Variants in PIK3AP1 observed in about 807,000 individuals in gnomAD.
The protein encoded by PIK3AP1 is phosphoinositide-3-kinase adaptor protein 1.
PIK3AP1 carries 21 observed loss-of-function variants against 88.1 expected under a neutral mutation model. The ratio of observed to expected loss-of-function variants is 0.24; its 90% CI spans 0.17 to 0.34. The LOEUF is 0.34. PIK3AP1 is among the 10% of genes least tolerant of loss of function. PIK3AP1 has a pLI of 1.00. For synonymous variants in PIK3AP1, 398 were observed against 400.0 expected (o/e 1.00, Z 0.06); for missense variants, 828 against 1,035.7 (o/e 0.80, Z 2.75).
chr10:96,616,688 G>A lies in PIK3AP1; in HGVS notation c.1965C>T (p.Asp655=), dbSNP rs773311496. The A allele has an allele frequency of 1.4e-5, 23 of 1,614,144 alleles. No individual in the cohort carries two copies. The Middle Eastern group carries it at 4.9e-4, about 35-fold the overall frequency. Residue 655 remains aspartate, a synonymous_variant, in exon 13 of 17, where the codon GAC becomes GAT. Transcript: ENST00000339364. The stretch of plus-strand genomic sequence containing the variant: ...TCTCTCTCTGTCTTCGGGTGATGCT[G>A]TCTCTTAGCCGTTTAAGATTTTCCT... ...FQQENLKRLR[D]SITRRQREKQ...
intron 7 of PIK3AP1, among the ~76,000 whole-genome samples, chr10:96,646,314 A>T (rs1331800842): frequency 6.6e-6 from 1 of 152,106 alleles, no homozygotes; most frequent in African/African-American, 2.4e-5. Context: ...GTACAATGCT[A>T]GGTATTTGCC....
At position 96,651,003 on chromosome 10, in the gene PIK3AP1, T is replaced by A. The variant is rs114804007; in HGVS notation, c.988+245A>T. Among the ~76,000 whole-genome samples the A allele has an allele frequency of 3.2e-3, 493 of 152,330 alleles. 2 individuals are homozygous for A. Among genetic ancestry groups the A allele is most frequent in the African/African-American group, 0.011 (439 of 41,574 alleles). On this transcript the variant is annotated intron_variant, in intron 6 of 16. Coordinates refer to ENST00000339364, the MANE Select transcript of PIK3AP1 (RefSeq NM_152309.3). ...TGGCTTACGCCAAACCAATTTAAAATCACTCATTTCCTGCTCCTCCGTAAG... is the reference window on the plus strand; with the variant it reads ...TGGCTTACGCCAAACCAATTTAAAAACACTCATTTCCTGCTCCTCCGTAAG...
chr10:96,626,675 A>G (rs1843157336), intron 10 of PIK3AP1, 33 bp downstream of exon 10: 1 of 1,603,802 alleles, frequency 6.2e-7, no homozygotes. Context: ...AGCTCCAAAG[A>G]CCCAGTTGGA....
At chr10:96,670,720 C>T (rs1183186096) in intron 2 of PIK3AP1, among the ~76,000 whole-genome samples, 3 of 152,162 alleles carry the variant, frequency 2.0e-5, no homozygotes, top group Non-Finnish European at 4.4e-5. Context: ...CTGTAAAATA[C>T]AGATTGAAAA....
At chr10:96,716,786 T>G (rs1844508348) in intron 1 of PIK3AP1, among the ~76,000 whole-genome samples, 1 of 151,846 alleles carries the variant, frequency 6.6e-6, no homozygotes, top group African/African-American at 2.4e-5. Context: ...TAACAAGGAG[T>G]CTACAAGCCC....
At chr10:96,636,050 AAAC>A (rs1178262633) in intron 8 of PIK3AP1, among the ~76,000 whole-genome samples, 3 of 152,120 alleles carry the variant, frequency 2.0e-5, no homozygotes, top group Non-Finnish European at 2.9e-5. Flanking sequence ...TACTAAAAAC[AAAC>A]AACAACAACA....
chr10:96,634,645 T>G (rs1361778399), intron 8 of PIK3AP1, among the ~76,000 whole-genome samples: 2 of 152,214 alleles, frequency 1.3e-5, no homozygotes, highest in Non-Finnish European at 2.9e-5. Flanking sequence ...GCTTACAAAA[T>G]GCTTACTAAC....
intron 2 of PIK3AP1, among the ~76,000 whole-genome samples, chr10:96,690,186 T>A (rs1844132683): frequency 6.6e-6 from 1 of 152,244 alleles, no homozygotes; most frequent in African/African-American, 2.4e-5. Flanking sequence ...GAGTTCAGTG[T>A]TGGAGGCCTG....
intron 8 of PIK3AP1, among the ~76,000 whole-genome samples, chr10:96,637,582 T>G (rs1197646904): frequency 6.6e-6 from 1 of 151,976 alleles, no homozygotes; most frequent in African/African-American, 2.4e-5. Flanking sequence ...ACTACTATAC[T>G]CAAGCGATCT....
At chr10:96,659,857 A>G (rs1843662679) in intron 2 of PIK3AP1, among the ~76,000 whole-genome samples, 1 of 152,168 alleles carries the variant, frequency 6.6e-6, no homozygotes, top group African/African-American at 2.4e-5. Context: ...TTAGAGTAAA[A>G]GCCACACAAC....
Position 96,656,842 on chromosome 10 carries a change from G to A in PIK3AP1, c.523C>T (p.Pro175Ser), listed in dbSNP as rs1435512891. The A allele has an allele frequency of 1.2e-6, 2 of 1,614,064 alleles. No individual in the cohort carries two copies. Among genetic ancestry groups the A allele is most frequent in the South Asian group, 1.1e-5 (1 of 91,078 alleles). Residue 175 changes from proline (P) to serine (S), a missense_variant, in exon 3 of 17, where the codon CCT (proline) becomes TCT (serine). Pro to Ser is a moderately conservative substitution (Grantham distance 74). Around this residue, in one of 3 missense-constraint regions of PIK3AP1, gnomAD observed 610 missense variants for 760.1 expected, o/e 0.80. Transcript: ENST00000339364. ...KQQNLPTVTS[P>S]GNLMVVQPDR... is the part of the protein sequence containing the mutation. Reference sequence around the variant, plus strand: ...GGCTGCACCACCATCAGGTTCCCAGGTGAAGTCACCGTCGGCAGGTTCTGC... The same window carrying A: ...GGCTGCACCACCATCAGGTTCCCAGATGAAGTCACCGTCGGCAGGTTCTGC...
At chr10:96,599,122 T>C (rs1029697362) in intron 16 of PIK3AP1, among the ~76,000 whole-genome samples, 1 of 152,018 alleles carries the variant, frequency 6.6e-6, no homozygotes, top group African/African-American at 2.4e-5. Context: ...GGAGGGCGGA[T>C]CTGACAGCTG....
At chr10:96,633,799 G>A (rs181310334) in intron 8 of PIK3AP1, among the ~76,000 whole-genome samples, 1 of 152,270 alleles carries the variant, frequency 6.6e-6, no homozygotes, top group Admixed American at 6.5e-5. Flanking sequence ...TAAAAACTAT[G>A]CCTACTCAAT....
intron 2 of PIK3AP1, among the ~76,000 whole-genome samples, chr10:96,657,427 A>C (rs564450764): frequency 3.0e-4 from 45 of 152,198 alleles, no homozygotes; most frequent in Non-Finnish European, 6.3e-4. Context: ...AGTGAAAAGC[A>C]ATCATTTTCA....
At chr10:96,664,334 G>A (rs910132991) in intron 2 of PIK3AP1, among the ~76,000 whole-genome samples, 1 of 152,134 alleles carries the variant, frequency 6.6e-6, no homozygotes, top group Admixed American at 6.5e-5. Flanking sequence ...ATTTTAAAAG[G>A]TCAGAAGAAA....
intron 14 of PIK3AP1, among the ~76,000 whole-genome samples, chr10:96,604,344 A>ACTTTTTTTTT: frequency 1.3e-5 from 1 of 77,126 alleles, no homozygotes; most frequent in Non-Finnish European, 2.4e-5. Flanking sequence ...CACCTAGCCA[A>ACTTTTTTTTT]TTTTTTTTTT....
intron 2 of PIK3AP1, among the ~76,000 whole-genome samples, chr10:96,695,466 C>G (rs1423734960): frequency 2.0e-5 from 3 of 152,208 alleles, no homozygotes; most frequent in Non-Finnish European, 2.9e-5. Context: ...TTCATTTCAT[C>G]ATCAGCCTCC....
At position 96,597,271 on chromosome 10, in the gene PIK3AP1, TTTCCTTCCTTCCTTCCTTCC is replaced by T. The variant is rs536365112; in HGVS notation, c.2361-1657_2361-1638del. Among the ~76,000 whole-genome samples the T allele has an allele frequency of 5.9e-3, 631 of 107,602 alleles. 9 individuals are homozygous for T. Among genetic ancestry groups the T allele is most frequent in the African/African-American group, 0.02 (486 of 24,304 alleles). The allele number at this position is 107,602 out of a possible 152,430, so 70.6% of individuals were successfully genotyped here. On this transcript the variant is annotated intron_variant, in intron 16 of 16. Coordinates refer to ENST00000339364, the MANE Select transcript of PIK3AP1 (RefSeq NM_152309.3). Reference sequence around the variant, plus strand: ...CCTTCTTTTTTTCTTTCTTTCTTTCTTTCCTTCCTTCCTTCCTTCCTTCCTTCCTTCCTTCCTTCCTTCCT... The same window carrying T: ...CCTTCTTTTTTTCTTTCTTTCTTTCTTTCCTTCCTTCCTTCCTTCCTTCCT...
chr10:96,715,748 G>A (rs898113858), intron 1 of PIK3AP1, among the ~76,000 whole-genome samples: 2 of 151,986 alleles, frequency 1.3e-5, no homozygotes, highest in Non-Finnish European at 2.9e-5. Flanking sequence ...AAATTAGCCG[G>A]GAATTGTGGC....
Sources: gnomAD v4.1 joint callset for allele counts (sites outside exome capture counted in the v4.1 genomes callset) on GRCh38, gnomAD v4.1.1 for gene constraint, gnomAD v4.1.1 regional missense constraint, MANE v1.5 for transcripts, NCBI Gene and HGNC (gene_info 2026-07-23, HGNC 2026-07-21) for gene names.